Variants in INSR observed in about 807,000 individuals in gnomAD.
The protein encoded by INSR is insulin receptor, also known as IR.
Under a neutral mutation model 142.6 loss-of-function variants are expected in INSR, and 67 were observed. The ratio of observed to expected loss-of-function variants is 0.47; its 90% CI spans 0.39 to 0.58. The LOEUF (loss-of-function observed/expected upper bound fraction) is 0.58, where lower values mean the gene tolerates loss of function less well. Ranked by LOEUF, INSR falls within the 20% of genes least tolerant of loss-of-function variation. The probability of loss-of-function intolerance (pLI) is 0.00; values close to 1 mark genes in which losing one functional copy is unlikely to be tolerated. For missense variants in INSR, 1,248 were observed against 1,833.2 expected (o/e 0.68, Z 5.83); for synonymous variants, 756 against 743.1 (o/e 1.02, Z -0.28).
At chr19:7,229,218 T>TGGATG (rs1975881374) in intron 2 of INSR, among the ~76,000 whole-genome samples, 1 of 146,954 alleles carries the variant, frequency 6.8e-6, no homozygotes, top group Admixed American at 6.8e-5. Flanking sequence ...GATGGATGGA[T>TGGATG]AATAGATGGT....
In INSR at chr19:7,152,917, C is replaced by G. The variant is rs1361308196; in HGVS notation, c.2040G>C (p.Leu680=). ...ATGGTGGAGACCAGGTCCTCGAGGG[C>G]AGCTTCAGCCCTGGAGAAAGAAACA... ...ELDYCLKGLK[L]PSRTWSPPFE... The change falls in exon 10 of 22, where the codon CTG becomes CTC. Residue 680 remains leucine (L), a synonymous_variant. Coordinates refer to ENST00000302850, the MANE Select transcript of INSR (RefSeq NM_000208.4). 2 of 1,611,426 alleles carry G rather than the reference C, an allele frequency of 1.2e-6. No individual in the cohort carries two copies. The highest frequency in any genetic ancestry group is 2.7e-5 in the African/African-American group (2 of 74,732).
chr19:7,197,261 G>A (rs1974775330), intron 2 of INSR, among the ~76,000 whole-genome samples: 2 of 152,248 alleles, frequency 1.3e-5, no homozygotes, highest in African/African-American at 4.8e-5. Context: ...GCTAGAAAGG[G>A]AACAGAGTAC....
chr19:7,146,990 T>C (rs1241350040), intron 11 of INSR, among the ~76,000 whole-genome samples: 3 of 152,192 alleles, frequency 2.0e-5, no homozygotes, highest in African/African-American at 7.2e-5. Context: ...TATAGTTTTA[T>C]AGTTTAAAGT....
chr19:7,120,719 G>A lies in INSR; in HGVS notation c.3560C>T (p.Thr1187Met), dbSNP rs766867210. 49 of 1,613,902 alleles carry A rather than the reference G, an allele frequency of 3.0e-5. No individual in the cohort carries two copies. The highest frequency in any genetic ancestry group is 3.6e-5 in the Non-Finnish European group (43 of 1,179,970). Reference protein sequence around the residue: ...DFGMTRDIYETDYYRKGGKGL... With the variant: ...DFGMTRDIYEMDYYRKGGKGL... ...CTTGCCCCCTTTCCGGTAGTAATCC[G>A]TTTCATAGATGTCTCTGGTCATTCC... Residue 1187 changes from threonine to methionine, a missense_variant, in exon 20 of 22, where the codon ACG (threonine) becomes ATG (methionine). Physicochemically the swap from Thr to Met is moderately conservative, Grantham distance 81. This residue lies in a region of INSR where 1,069 missense variants were observed against 1,654.0 expected (regional missense o/e 0.65). Coordinates refer to ENST00000302850, the MANE Select transcript of INSR (RefSeq NM_000208.4).
At chr19:7,208,823 C>T (rs58432174) in intron 2 of INSR, among the ~76,000 whole-genome samples, 151,667 of 152,162 alleles carry the variant, frequency 1, 75,595 homozygotes, top group Middle Eastern at 1. Flanking sequence ...GGCCAACATG[C>T]GAAACCCCCT....
chr19:7,293,936 T>C lies in INSR; in HGVS notation c.-45A>G. On this transcript the variant is annotated 5_prime_UTR_variant, in exon 1 of 22. Coordinates refer to ENST00000302850, the MANE Select transcript of INSR (RefSeq NM_000208.4). ...CTCCTCGGATCAGAGCGCGCGGCGC[T>C]GGCCCGCGGGGGTCATGCTCCGAGG... 8.6e-7 allele frequency: 1 copy of C among 1,162,064 alleles called. No homozygotes were observed. 72.0% of individuals were successfully genotyped at this position (1,162,064 alleles called of 1,614,324 possible).
chr19:7,223,764 T>C (rs1223822896), intron 2 of INSR, among the ~76,000 whole-genome samples: 1 of 152,154 alleles, frequency 6.6e-6, no homozygotes, highest in Admixed American at 6.6e-5. Flanking sequence ...GAAAAGATTG[T>C]TGTGAGGACC....
chr19:7,208,422 C>T (rs1477830061), intron 2 of INSR, among the ~76,000 whole-genome samples: 1 of 151,120 alleles, frequency 6.6e-6, no homozygotes, highest in African/African-American at 2.4e-5. Flanking sequence ...CCTTAGCAAC[C>T]GGAAAAAAAA....
chr19:7,242,593 C>G (rs1202887579), intron 2 of INSR, among the ~76,000 whole-genome samples: 1 of 151,652 alleles, frequency 6.6e-6, no homozygotes, highest in Non-Finnish European at 1.5e-5. Context: ...CAAAAATTAG[C>G]CAGGTGTGGT....
chr19:7,224,339 C>T (rs10410204), intron 2 of INSR, among the ~76,000 whole-genome samples: 90,682 of 150,984 alleles, frequency 0.6, 27,594 homozygotes, highest in African/African-American at 0.68. Flanking sequence ...AACCTCAAGC[C>T]CTGACACCAA....
chr19:7,287,947 G>A lies in INSR; in HGVS notation c.100+5845C>T, dbSNP rs117889260. Among the ~76,000 whole-genome samples, 21 of 152,318 alleles carry A rather than the reference G, an allele frequency of 1.4e-4. No individual in the cohort carries two copies. The East Asian group carries it at 3.3e-3, about 24-fold the overall frequency. On this transcript the variant is annotated intron_variant, in intron 1 of 21. Coordinates refer to ENST00000302850, the MANE Select transcript of INSR (RefSeq NM_000208.4). The stretch of plus-strand genomic sequence containing the variant: ...GCATTTTTGCGCAGTCATAGATGAT[G>A]AGTAGACAAATGAGTGTGGTTGCAT...
intron 2 of INSR, among the ~76,000 whole-genome samples, chr19:7,248,349 G>A (rs1042864833): frequency 7.4e-5 from 11 of 148,220 alleles, no homozygotes; most frequent in Non-Finnish European, 1.6e-4. Context: ...AGTCAGGCAC[G>A]GTGGTTCATG....
At chr19:7,141,643 G>A (rs955210716) in intron 13 of INSR, 34 bp downstream of exon 13, 8 of 1,613,478 alleles carry the variant, frequency 5.0e-6, no homozygotes, top group South Asian at 1.1e-5. Context: ...ATGCTGAAGT[G>A]TGCAGGGGCA....
In INSR at chr19:7,113,920, G is replaced by A. The variant is rs970830483; in HGVS notation, c.*3136C>T. On this transcript the variant is annotated 3_prime_UTR_variant, in exon 22 of 22. Coordinates refer to ENST00000302850, the MANE Select transcript of INSR (RefSeq NM_000208.4). ...GCAAGGGCAGTGCCTAAAAGTACAA[G>A]AGCAGCAAGATTTGGGCCCCACTGG... is the stretch of plus-strand genomic sequence containing the variant. 1 of 151,968 alleles carries A rather than the reference G, an allele frequency of 6.6e-6. No homozygotes were observed. Among genetic ancestry groups the A allele is most frequent in the Non-Finnish European group, 1.5e-5 (1 of 68,038 alleles). The allele number at this position is 151,968 out of a possible 1,614,324, so 9.4% of individuals were successfully genotyped here.
intron 9 of INSR, among the ~76,000 whole-genome samples, chr19:7,155,515 G>A (rs1160294666): frequency 7.0e-6 from 1 of 142,298 alleles, no homozygotes; most frequent in Non-Finnish European, 1.5e-5. Context: ...TCCAGCCTGG[G>A]TGACAGAGGA....
Position 7,184,468 on chromosome 19 carries a change from G to C in INSR, c.822C>G (p.His274Gln). 6.2e-7 allele frequency: 1 copy of C among 1,614,098 alleles called. No homozygotes were observed. The highest frequency in any genetic ancestry group is 8.5e-7 in the Non-Finnish European group (1 of 1,180,040). Residue 274 changes from histidine to glutamine, a missense_variant, in exon 3 of 22, where the codon CAC becomes CAG. Physicochemically the swap from His to Gln is conservative, Grantham distance 24 (BLOSUM62 0). Around this residue, in one of 3 missense-constraint regions of INSR, gnomAD observed 1,069 missense variants for 1,654.0 expected, o/e 0.65. Coordinates refer to ENST00000302850, the MANE Select transcript of INSR (RefSeq NM_000208.4). ...CVETCPPPYYHFQDWRCVNFS... is the reference protein window; with the variant it reads ...CVETCPPPYYQFQDWRCVNFS... ...AGTTCACACAGCGCCAGTCCTGGAA[G>C]TGGTAGTACGGGGGCGGGCAGGTCT...
At chr19:7,190,422 A>G (rs1180552901) in intron 2 of INSR, among the ~76,000 whole-genome samples, 1 of 141,026 alleles carries the variant, frequency 7.1e-6, no homozygotes, top group Non-Finnish European at 1.5e-5. Context: ...GTCCAGGCTG[A>G]AGTGCAATGG....
At chr19:7,198,141 C>T (rs1974840482) in intron 2 of INSR, among the ~76,000 whole-genome samples, 1 of 151,920 alleles carries the variant, frequency 6.6e-6, no homozygotes. Context: ...CCGGAGGCCT[C>T]AGCGCAGCAC....
chr19:7,181,827 C>T (rs1194265329), intron 3 of INSR, among the ~76,000 whole-genome samples: 3 of 151,564 alleles, frequency 2.0e-5, no homozygotes, highest in Admixed American at 1.3e-4. Context: ...ATGATCCGTC[C>T]ACTTCGGCCT....
Sources: gnomAD v4.1 joint callset for allele counts (sites outside exome capture counted in the v4.1 genomes callset) on GRCh38, gnomAD v4.1.1 for gene constraint, gnomAD v4.1.1 regional missense constraint, MANE v1.5 for transcripts, NCBI Gene and HGNC (gene_info 2026-07-23, HGNC 2026-07-21) for gene names.